CUTC: variants seen among roughly 807,000 people sequenced by gnomAD.
CUTC encodes cutC copper transporter.
A neutral mutation model predicts 36.2 loss-of-function variants in CUTC; 27 were observed. The observed-to-expected ratio is 0.75, with a 90% CI of 0.55 to 1.03. The LOEUF is 1.03. Among genes scored for constraint, CUTC ranks in the 50% least tolerant of loss-of-function variants. CUTC has a pLI of 0.00. For missense variants in CUTC, 315 were observed against 343.5 expected (o/e 0.92, Z 0.66); for synonymous variants, 114 against 118.3 (o/e 0.96, Z 0.24).
At chr10:99,740,758 T>C (rs765402699) in intron 3 of CUTC, among the ~76,000 whole-genome samples, 55 of 152,192 alleles carry the variant, frequency 3.6e-4, no homozygotes, top group Admixed American at 1.9e-3. Flanking sequence ...AAGTCACTGA[T>C]GAACTTCTCT....
rs890715109 is a variant in CUTC at position 99,755,759 on chromosome 10, A to G, written c.*20A>G. 1.4e-6 allele frequency: 2 copies of G among 1,440,930 alleles called. No homozygotes were observed. The highest frequency in any genetic ancestry group is 2.0e-6 in the Non-Finnish European group (2 of 1,023,672). The allele number at this position is 1,440,930 out of a possible 1,614,324, so 89.3% of individuals were successfully genotyped here. On this transcript the variant is annotated 3_prime_UTR_variant, in exon 9 of 9. Coordinates refer to ENST00000370476, the MANE Select transcript of CUTC (RefSeq NM_015960.3). ...GTGTAGCCAGACCTCTCTGAGAGAC[A>G]TGGATATCACAGGATGAAGGTAGAA...
At chr10:99,739,338 A>G (rs1330511611) in intron 2 of CUTC, among the ~76,000 whole-genome samples, 2 of 152,304 alleles carry the variant, frequency 1.3e-5, no homozygotes, top group Non-Finnish European at 2.9e-5. Flanking sequence ...GCTTAGAATA[A>G]TAAAGACCCT....
In CUTC at chr10:99,747,543, C is replaced by A. The variant is rs183885862; in HGVS notation, c.573+153C>A. 1,066 of 776,614 alleles carry A rather than the reference C, an allele frequency of 1.4e-3. 6 individuals are homozygous for A. Among genetic ancestry groups the A allele is most frequent in the Non-Finnish European group, 4.7e-4 (234 of 501,814 alleles). The allele number at this position is 776,614 out of a possible 1,614,324, so 48.1% of individuals were successfully genotyped here. ...GCAATAATGTATATAATTCTTATTT[C>A]TTTCACACAAGCCTTTTTAATAACC... On this transcript the variant is annotated intron_variant, in intron 6 of 8. Coordinates refer to ENST00000370476, the MANE Select transcript of CUTC (RefSeq NM_015960.3).
intron 7 of CUTC, among the ~76,000 whole-genome samples, chr10:99,753,492 C>T (rs1302328299): frequency 2.0e-5 from 3 of 152,200 alleles, no homozygotes; most frequent in Admixed American, 2.0e-4. Flanking sequence ...TTACTGCAGC[C>T]TCTGCCTCCT....
chr10:99,735,700 A>C (rs2037291632), intron 1 of CUTC, among the ~76,000 whole-genome samples: 2 of 152,158 alleles, frequency 1.3e-5, no homozygotes, highest in African/African-American at 4.8e-5. Context: ...GAGCCATCAC[A>C]CCCGGCCAGA....
intron 8 of CUTC, among the ~76,000 whole-genome samples, 185 bp downstream of exon 8, chr10:99,754,819 C>T (rs1314190443): frequency 6.6e-6 from 1 of 152,218 alleles, no homozygotes; most frequent in Non-Finnish European, 1.5e-5. Flanking sequence ...CTTAAATAAA[C>T]AGGCTCTTTG....
chr10:99,740,033 A>G (rs927406644), intron 3 of CUTC, among the ~76,000 whole-genome samples: 2 of 152,316 alleles, frequency 1.3e-5, no homozygotes, highest in South Asian at 2.1e-4. Flanking sequence ...CTTTTATAAA[A>G]TCTTTCCATG....
chr10:99,732,736 C>T lies in CUTC; in HGVS notation c.61+327C>T, dbSNP rs374453900. ...AGGATGCCAGTACCGCCCGCACCAG[C>T]AGCCAGTACTCCGCTGGGATAGTTA... On this transcript the variant is annotated intron_variant, in intron 1 of 8. Coordinates refer to ENST00000370476, the MANE Select transcript of CUTC (RefSeq NM_015960.3). Among the ~76,000 whole-genome samples, 74 of 152,286 alleles carry T rather than the reference C, an allele frequency of 4.9e-4. 1 individual carries two copies. The highest frequency in any genetic ancestry group is 1.2e-3 in the East Asian group (6 of 5,158).
In CUTC at chr10:99,755,980, T is replaced by C. The variant is rs1315766375; in HGVS notation, c.*241T>C. 2 of 399,084 alleles carry C rather than the reference T, an allele frequency of 5.0e-6. No homozygotes were observed. The highest frequency in any genetic ancestry group is 8.9e-6 in the Non-Finnish European group (2 of 224,744). The allele number at this position is 399,084 out of a possible 1,614,324, so 24.7% of individuals were successfully genotyped here. The stretch of plus-strand genomic sequence containing the variant: ...CATGGTTAAAGCTGGTCTGTGCTTC[T>C]TCCATAGACAGAAGCTTAGTCTGTT... On this transcript the variant is annotated 3_prime_UTR_variant, in exon 9 of 9. Coordinates refer to ENST00000370476, the MANE Select transcript of CUTC (RefSeq NM_015960.3).
intron 7 of CUTC, among the ~76,000 whole-genome samples, chr10:99,750,979 CAT>C (rs1420204794): frequency 6.6e-6 from 1 of 152,112 alleles, no homozygotes; most frequent in Non-Finnish European, 1.5e-5. Context: ...GATAATACAA[CAT>C]AGAAGAGTGA....
chr10:99,737,208 T>C (rs1325129222), intron 2 of CUTC, among the ~76,000 whole-genome samples: 1 of 150,936 alleles, frequency 6.6e-6, no homozygotes, highest in Non-Finnish European at 1.5e-5. Flanking sequence ...AGGCAGAGGC[T>C]GAAGTGAGCC....
chr10:99,733,857 T>C (rs892700233), intron 1 of CUTC, among the ~76,000 whole-genome samples: 1 of 152,058 alleles, frequency 6.6e-6, no homozygotes, highest in Non-Finnish European at 1.5e-5. Context: ...TGTCATAGCC[T>C]TTTTTATACA....
chr10:99,741,075 CT>C (rs1168272153), intron 3 of CUTC, among the ~76,000 whole-genome samples: 1 of 152,154 alleles, frequency 6.6e-6, no homozygotes, highest in African/African-American at 2.4e-5. Flanking sequence ...AATAATATAT[CT>C]TATTTTCCTG....
intron 2 of CUTC, among the ~76,000 whole-genome samples, chr10:99,738,405 T>TGC (rs1443013877): frequency 6.6e-6 from 1 of 151,482 alleles, no homozygotes; most frequent in Non-Finnish European, 1.5e-5. Context: ...TGTGTGTGTG[T>TGC]GTGTGTGTGT....
intron 4 of CUTC, 32 bp from the exon 5 acceptor site, chr10:99,744,004 CA>C: frequency 6.3e-7 from 1 of 1,591,674 alleles, no homozygotes; most frequent in South Asian, 1.1e-5. Flanking sequence ...ATGACATCTT[CA>C]TTCATGTTGT....
At chr10:99,749,056 C>T (rs1405745101) in intron 6 of CUTC, among the ~76,000 whole-genome samples, 1 of 151,990 alleles carries the variant, frequency 6.6e-6, no homozygotes, top group East Asian at 1.9e-4. Flanking sequence ...AAGATATAAC[C>T]GCCATAGTAA....
intron 4 of CUTC, 72 bp from the exon 5 acceptor site, chr10:99,743,965 A>G (rs766208253): frequency 4.6e-5 from 58 of 1,252,310 alleles, no homozygotes; most frequent in Non-Finnish European, 6.2e-5. Flanking sequence ...TTCAGCTAAC[A>G]TGGAGAATTC....
chr10:99,733,120 C>T (rs1291775719), intron 1 of CUTC, among the ~76,000 whole-genome samples: 1 of 152,048 alleles, frequency 6.6e-6, no homozygotes, highest in Non-Finnish European at 1.5e-5. Context: ...ACCAGCCTGG[C>T]CAGCATGGTG....
intron 1 of CUTC, among the ~76,000 whole-genome samples, chr10:99,733,990 G>T (rs1045275766): frequency 6.6e-6 from 1 of 152,076 alleles, no homozygotes; most frequent in Non-Finnish European, 1.5e-5. Context: ...GAAACTCATG[G>T]AGTTAATAAT....
Sources: allele counts gnomAD v4.1 joint callset (sites outside exome capture counted in the v4.1 genomes callset), GRCh38; gene constraint gnomAD v4.1.1; transcripts MANE v1.5; gene names NCBI Gene and HGNC (gene_info 2026-07-23, HGNC 2026-07-21).